FCHSD2: variants seen among roughly 807,000 people sequenced by gnomAD.
FCHSD2 encodes the protein F-BAR and double SH3 domains protein 2.
FCHSD2 carries 38 observed loss-of-function variants against 108.1 expected under a neutral mutation model. The observed-to-expected ratio is 0.35, with a 90% confidence interval of 0.27 to 0.46. The LOEUF (loss-of-function observed/expected upper bound fraction) is 0.46. FCHSD2 is among the 20% of genes least tolerant of loss of function. FCHSD2 has a pLI of 1.00. For synonymous variants in FCHSD2, 279 were observed against 314.7 expected, an observed-to-expected ratio of 0.89 and a Z score of 1.20; for missense variants, 751 against 897.8, an observed-to-expected ratio of 0.84 and a Z score of 2.09.
At chr11:73,090,281 A>C (rs998411581) in intron 2 of FCHSD2, among the ~76,000 whole-genome samples, 19 of 127,824 alleles carry the variant, frequency 1.5e-4, no homozygotes, top group Admixed American at 6.1e-4. Context: ...GCTGGAGTGC[A>C]GTGGCGGGAT....
chr11:72,948,302 C>G (rs1300745421), intron 8 of FCHSD2, among the ~76,000 whole-genome samples: 2 of 152,222 alleles, frequency 1.3e-5, no homozygotes, highest in Non-Finnish European at 2.9e-5. Context: ...GCCACTGTGC[C>G]CAGCCACTGG....
intron 2 of FCHSD2, among the ~76,000 whole-genome samples, chr11:73,084,420 T>G (rs542704750): frequency 6.6e-6 from 1 of 152,284 alleles, no homozygotes; most frequent in East Asian, 1.9e-4. Flanking sequence ...AGATAGGGTC[T>G]TGTTCTGTTG....
intron 3 of FCHSD2, among the ~76,000 whole-genome samples, chr11:73,063,243 G>A (rs1859208533): frequency 6.6e-6 from 1 of 152,180 alleles, no homozygotes; most frequent in Non-Finnish European, 1.5e-5. Context: ...AATGCTGAGG[G>A]ATTTTGTCAC....
At chr11:73,006,543 G>A (rs549656632) in intron 4 of FCHSD2, among the ~76,000 whole-genome samples, 9 of 152,238 alleles carry the variant, frequency 5.9e-5, no homozygotes, top group Non-Finnish European at 8.8e-5. Flanking sequence ...TGACTACCCC[G>A]CTTTGAGCCA....
chr11:73,126,502 A>C (rs1860863555), intron 2 of FCHSD2, among the ~76,000 whole-genome samples: 1 of 152,094 alleles, frequency 6.6e-6, no homozygotes, highest in African/African-American at 2.4e-5. Context: ...ATACTTGTAC[A>C]TATTAGAAAT....
intron 9 of FCHSD2, among the ~76,000 whole-genome samples, chr11:72,917,935 A>G (rs938645858): frequency 7.2e-5 from 11 of 152,130 alleles, no homozygotes; most frequent in Admixed American, 6.6e-5. Flanking sequence ...CATTTCTGCA[A>G]AAAAGGCCAT....
rs1025651986 is a variant in FCHSD2, at chr11:73,029,515, T to C, written c.166-13630A>G. Among the ~76,000 whole-genome samples, 57 of 152,336 alleles carry C rather than the reference T, an allele frequency of 3.7e-4. 1 individual carries two copies. Among genetic ancestry groups the C allele is most frequent in the Admixed American group, 7.2e-4 (11 of 15,300 alleles). ...TGGCAGGCAGCCATGCATATGTTCC[T>C]GGAACAACTCCTATGCTCCTTATGG... On this transcript the variant is annotated intron_variant, in intron 3 of 19. Transcript: ENST00000409418.
chr11:72,925,467 A>C (rs764515149), intron 8 of FCHSD2, among the ~76,000 whole-genome samples: 17 of 152,168 alleles, frequency 1.1e-4, no homozygotes, highest in South Asian at 2.1e-4. Flanking sequence ...TTGAATCTGC[A>C]GTGATCTATG....
chr11:73,043,088 C>A (rs748453353), intron 3 of FCHSD2, among the ~76,000 whole-genome samples: 2 of 152,280 alleles, frequency 1.3e-5, no homozygotes, highest in South Asian at 2.1e-4. Context: ...TCTGCCACAA[C>A]GCTGAATAGG....
At chr11:72,843,927 G>A (rs1248220939) in intron 14 of FCHSD2, among the ~76,000 whole-genome samples, 1 of 151,896 alleles carries the variant, frequency 6.6e-6, no homozygotes, top group Non-Finnish European at 1.5e-5. Context: ...AGGATCGCTT[G>A]AGCCTGGGAG....
At chr11:72,912,800 T>G (rs1855790277) in intron 9 of FCHSD2, among the ~76,000 whole-genome samples, 1 of 152,228 alleles carries the variant, frequency 6.6e-6, no homozygotes, top group Non-Finnish European at 1.5e-5. Flanking sequence ...TTGATCTTGT[T>G]ACTTGTTTTT....
intron 3 of FCHSD2, among the ~76,000 whole-genome samples, chr11:73,069,509 T>C (rs1197846713): frequency 6.6e-6 from 1 of 151,788 alleles, no homozygotes; most frequent in Non-Finnish European, 1.5e-5. Flanking sequence ...ATATGATCAC[T>C]AACAAAGCAA....
intron 2 of FCHSD2, among the ~76,000 whole-genome samples, chr11:73,104,087 C>A (rs1386570808): frequency 6.6e-6 from 1 of 152,246 alleles, no homozygotes; most frequent in African/African-American, 2.4e-5. Context: ...GCACAGAACT[C>A]ATCTTAAATG....
At chr11:72,922,823 T>G (rs995056691) in intron 8 of FCHSD2, among the ~76,000 whole-genome samples, 3 of 152,212 alleles carry the variant, frequency 2.0e-5, no homozygotes, top group African/African-American at 4.8e-5. Context: ...TTAATAATTT[T>G]AAAGTGTACA....
chr11:73,046,618 T>C (rs949233930), intron 3 of FCHSD2, among the ~76,000 whole-genome samples: 8 of 152,240 alleles, frequency 5.3e-5, no homozygotes, highest in Non-Finnish European at 1.0e-4. Context: ...TTTTACCTAC[T>C]AATATCTATT....
At chr11:73,101,951 G>A (rs1860235982) in intron 2 of FCHSD2, among the ~76,000 whole-genome samples, 1 of 152,104 alleles carries the variant, frequency 6.6e-6, no homozygotes, top group Non-Finnish European at 1.5e-5. Flanking sequence ...AGATTATGAA[G>A]GCTAGCAAGT....
chr11:72,987,077 G>A (rs931083542), intron 6 of FCHSD2, among the ~76,000 whole-genome samples: 1 of 152,100 alleles, frequency 6.6e-6, no homozygotes, highest in Non-Finnish European at 1.5e-5. Context: ...AGGCTCTTCA[G>A]AATAAACATA....
intron 5 of FCHSD2, among the ~76,000 whole-genome samples, chr11:72,993,143 C>A (rs1176933261): frequency 2.6e-5 from 4 of 152,012 alleles, no homozygotes; most frequent in East Asian, 3.8e-4. Context: ...ATGCAGCCAA[C>A]AGACACATGA....
intron 3 of FCHSD2, among the ~76,000 whole-genome samples, chr11:73,019,617 A>G (rs2135437657): frequency 1.3e-5 from 2 of 152,274 alleles, no homozygotes; most frequent in East Asian, 3.9e-4. Flanking sequence ...TCTTTAGATG[A>G]AAGACTTTAT....
Sources: gnomAD v4.1 joint callset for allele counts (sites outside exome capture counted in the v4.1 genomes callset) on GRCh38, gnomAD v4.1.1 for gene constraint, MANE v1.5 for transcripts, NCBI Gene and HGNC (gene_info 2026-07-23, HGNC 2026-07-21) for gene names.